ABCA13: variants seen among roughly 807,000 people sequenced by gnomAD.
The protein encoded by ABCA13 is ATP-binding cassette sub-family A member 13.
ABCA13 carries 476 observed loss-of-function variants against 478.7 expected under a neutral mutation model. The observed-to-expected ratio is 0.99, with a 90% CI of 0.92 to 1.07. ABCA13 has a LOEUF of 1.07. Ranked by LOEUF, ABCA13 falls within the 50% of genes least tolerant of loss-of-function variation. The pLI, the probability that ABCA13 is intolerant of heterozygous loss-of-function variation, is 0.00. For missense variants in ABCA13, 6,060 were observed against 5,910.6 expected (o/e 1.03, Z -0.83); for synonymous variants, 2,252 against 2,158.9 (o/e 1.04, Z -1.20).
chr7:48,517,001 C>A, intron 52 of ABCA13, 120 bp downstream of exon 52: 1 of 1,132,632 alleles, frequency 8.8e-7, no homozygotes, highest in Non-Finnish European at 1.2e-6. Context: ...TTGGTATCCA[C>A]TGTCTTTAAA....
In ABCA13 at chr7:48,294,610, C is replaced by A. The variant is rs1351048864; in HGVS notation, c.8956-1090C>A. Among the ~76,000 whole-genome samples, 4 of 151,604 alleles carry A rather than the reference C, an allele frequency of 2.6e-5. No homozygotes were observed. In the East Asian group the frequency reaches 5.8e-4, roughly 22 times the overall value. On this transcript the variant is annotated intron_variant, in intron 20 of 61. Coordinates refer to ENST00000435803, the MANE Select transcript of ABCA13 (RefSeq NM_152701.5). ...TACAGGCGCCCGCCACCGCGCCCGG[C>A]TAATTTTTTGTATTTTTAGTAGAGA...
chr7:48,273,035 A>T lies in ABCA13; in HGVS notation c.3369A>T (p.Pro1123=). The T allele has an allele frequency of 6.2e-7, 1 of 1,613,586 alleles. No individual in the cohort carries two copies. The highest frequency in any genetic ancestry group is 1.7e-4 in the Middle Eastern group (1 of 6,060). The change falls in exon 17 of 62, where the codon CCA becomes CCT. Residue 1123 remains proline, a synonymous_variant. Coordinates refer to ENST00000435803, the MANE Select transcript of ABCA13 (RefSeq NM_152701.5). The part of the protein sequence containing the change: ...STSEESSFVF[P]LAQIFSNLSA... The stretch of plus-strand genomic sequence containing the variant: ...GTGAGGAGTCTTCATTTGTTTTTCC[A>T]TTGGCACAAATTTTTTCAAACCTCT...
chr7:48,246,176 A>G, intron 13 of ABCA13, 146 bp downstream of exon 13: 1 of 879,990 alleles, frequency 1.1e-6, no homozygotes. Context: ...TCTGAACTCC[A>G]GCTGCCCTTC....
intron 27 of ABCA13, among the ~76,000 whole-genome samples, chr7:48,328,234 G>A (rs1804626075): frequency 6.6e-6 from 1 of 152,166 alleles, no homozygotes; most frequent in African/African-American, 2.4e-5. Context: ...AATGGGGAAG[G>A]GCACTGGTGG....
At chr7:48,633,550 A>C (rs1794349179) in intron 59 of ABCA13, among the ~76,000 whole-genome samples, 1 of 152,124 alleles carries the variant, frequency 6.6e-6, no homozygotes. Flanking sequence ...TAAATTCAAA[A>C]AATTGAAATC....
At chr7:48,567,222 A>G (rs1446047799) in intron 55 of ABCA13, among the ~76,000 whole-genome samples, 2 of 152,156 alleles carry the variant, frequency 1.3e-5, no homozygotes, top group South Asian at 2.1e-4. Flanking sequence ...TTGAAGGCAG[A>G]AAGACCTTTT....
chr7:48,602,629 T>TACCA (rs1791026243), intron 58 of ABCA13, among the ~76,000 whole-genome samples: 1 of 152,124 alleles, frequency 6.6e-6, no homozygotes, highest in Non-Finnish European at 1.5e-5. Context: ...TACCATAGCT[T>TACCA]TGTAGTATAG....
intron 42 of ABCA13, among the ~76,000 whole-genome samples, chr7:48,439,125 G>T (rs1463473937): frequency 2.6e-5 from 4 of 152,008 alleles, no homozygotes; most frequent in Non-Finnish European, 5.9e-5. Flanking sequence ...TTTTCTCACA[G>T]TTTCTTTTGG....
chr7:48,387,164 G>A (rs1262017605), intron 35 of ABCA13, among the ~76,000 whole-genome samples: 1 of 151,920 alleles, frequency 6.6e-6, no homozygotes, highest in Non-Finnish European at 1.5e-5. Context: ...GTAGAATTTA[G>A]GCCTTTAGGT....
intron 42 of ABCA13, among the ~76,000 whole-genome samples, chr7:48,449,072 A>G (rs1035189264): frequency 1.3e-5 from 2 of 151,790 alleles, no homozygotes; most frequent in Non-Finnish European, 2.9e-5. Flanking sequence ...CGAACTCTTG[A>G]CCTCCAGTGA....
At chr7:48,471,023 G>A (rs1040781848) in intron 44 of ABCA13, among the ~76,000 whole-genome samples, 3 of 152,150 alleles carry the variant, frequency 2.0e-5, no homozygotes, top group Non-Finnish European at 4.4e-5. Context: ...ATGTGTTTTT[G>A]AACCACTGCT....
At position 48,506,346 on chromosome 7, in the gene ABCA13, C is replaced by A; in HGVS notation, c.13302C>A (p.Leu4434=). 3.1e-6 allele frequency: 5 copies of A among 1,613,860 alleles called. No individual in the cohort carries two copies. The South Asian group carries it at 5.5e-5, about 18-fold the overall frequency. The change falls in exon 49 of 62, where the codon CTC becomes CTA. Residue 4434 remains leucine (L), a synonymous_variant. Coordinates refer to ENST00000435803, the MANE Select transcript of ABCA13 (RefSeq NM_152701.5). The part of the protein sequence containing the change: ...TVDWRQYGIT[L]YSHPYGGALL... ...ATTTGTCTTTCACAGGAATAACACT[C>A]TACAGCCACCCATATGGAGGGGCCT...
intron 11 of ABCA13, among the ~76,000 whole-genome samples, chr7:48,245,085 C>T (rs1350196870): frequency 6.6e-6 from 1 of 152,162 alleles, no homozygotes; most frequent in Non-Finnish European, 1.5e-5. Flanking sequence ...CTACTGCCTC[C>T]TCCCACCAAT....
rs776112259 is a variant in ABCA13, at chr7:48,272,438, G to C, written c.2772G>C (p.Arg924Ser). The C allele has an allele frequency of 6.2e-7, 1 of 1,613,748 alleles. No individual in the cohort carries two copies. Among genetic ancestry groups the C allele is most frequent in the Non-Finnish European group, 8.5e-7 (1 of 1,179,768 alleles). ...SEALNTVYAI[R>S]NASDLFSALS... is the part of the protein sequence containing the mutation. ...CTCTGAACACAGTCTACGCTATCAG[G>C]AATGCATCTGATCTTTTCTCAGCCC... The change falls in exon 17 of 62, where the codon AGG becomes AGC. Residue 924 changes from arginine to serine, a missense_variant. Coordinates refer to ENST00000435803, the MANE Select transcript of ABCA13 (RefSeq NM_152701.5).
At chr7:48,230,403 G>A (rs894896443) in intron 7 of ABCA13, among the ~76,000 whole-genome samples, 50 of 152,282 alleles carry the variant, frequency 3.3e-4, no homozygotes, top group African/African-American at 1.2e-3. Context: ...CCACAGGGGA[G>A]GGAATGGAAT....
intron 29 of ABCA13, among the ~76,000 whole-genome samples, chr7:48,345,211 G>A (rs1807880160): frequency 6.6e-6 from 1 of 152,174 alleles, no homozygotes; most frequent in African/African-American, 2.4e-5. Context: ...ACACAATTAT[G>A]TACAGCACGT....
intron 42 of ABCA13, among the ~76,000 whole-genome samples, chr7:48,444,938 C>T (rs1824085996): frequency 6.6e-6 from 1 of 151,958 alleles, no homozygotes; most frequent in Non-Finnish European, 1.5e-5. Flanking sequence ...CCATATGTAG[C>T]CATCCCTAGA....
intron 1 of ABCA13, among the ~76,000 whole-genome samples, chr7:48,184,560 C>T (rs1210481354): frequency 6.6e-6 from 1 of 152,144 alleles, no homozygotes; most frequent in African/African-American, 2.4e-5. Flanking sequence ...TGGCTCCCAC[C>T]TGTAATCCCA....
intron 27 of ABCA13, among the ~76,000 whole-genome samples, chr7:48,332,537 A>T (rs979578042): frequency 6.6e-6 from 1 of 152,246 alleles, no homozygotes; most frequent in East Asian, 1.9e-4. Flanking sequence ...AATACATTTC[A>T]TAAAACTCAT....
Sources: gnomAD v4.1 joint callset for allele counts (sites outside exome capture counted in the v4.1 genomes callset) on GRCh38, gnomAD v4.1.1 for gene constraint, MANE v1.5 for transcripts, NCBI Gene and HGNC (gene_info 2026-07-23, HGNC 2026-07-21) for gene names.